The following USP42 variants were observed in gnomAD, a reference collection of about 807,000 sequenced individuals.
USP42 encodes ubiquitin carboxyl-terminal hydrolase 42.
Under a neutral mutation model 113.0 loss-of-function variants are expected in USP42, and 23 were observed. That is an observed-to-expected ratio of 0.20 (90% CI 0.15 to 0.29). The LOEUF (loss-of-function observed/expected upper bound fraction) is 0.29. Among genes scored for constraint, USP42 ranks in the 10% least tolerant of loss-of-function variants. USP42 has a pLI of 1.00. For synonymous variants in USP42, 933 were observed against 699.0 expected (o/e 1.33, Z -5.28); for missense variants, 2,174 against 1,779.8 (o/e 1.22, Z -3.99).
chr7:6,152,214 A>T (rs1462969537), intron 14 of USP42, among the ~76,000 whole-genome samples: 1 of 152,220 alleles, frequency 6.6e-6, no homozygotes, highest in Non-Finnish European at 1.5e-5. Context: ...TGTGAGTGAC[A>T]GCTCAGAGTG....
chr7:6,123,629 C>T (rs1780359671), intron 3 of USP42, among the ~76,000 whole-genome samples: 1 of 151,910 alleles, frequency 6.6e-6, no homozygotes, highest in South Asian at 2.1e-4. Flanking sequence ...CGCCACTGCA[C>T]TCCAGCCTGG....
At chr7:6,124,478 C>G (rs1235450500) in intron 3 of USP42, among the ~76,000 whole-genome samples, 4 of 151,752 alleles carry the variant, frequency 2.6e-5, no homozygotes, top group Non-Finnish European at 5.9e-5. Context: ...ATTGGCCAGG[C>G]TGGTCTCAAA....
rs1201000321 is a variant in USP42 at position 6,139,736 on chromosome 7, A to G, written c.657-392A>G. 2 of 312,172 alleles carry G rather than the reference A, an allele frequency of 6.4e-6. No individual in the cohort carries two copies. The highest frequency in any genetic ancestry group is 1.2e-5 in the Non-Finnish European group (2 of 163,938). 19.3% of individuals were successfully genotyped at this position (312,172 alleles called of 1,614,324 possible). ...TCCCTGCCCTGGCACCGCCCTGTCT[A>G]GGACTTCATTGTCCGGGTGATGACA... is the stretch of plus-strand genomic sequence containing the variant. On this transcript the variant is annotated intron_variant, in intron 5 of 17. Transcript: ENST00000306177. This position sits in a 1 kb window ranked among gnomAD's most constrained non-coding sequence, Gnocchi z 4.5.
chr7:6,123,920 T>TG (rs1035949935), intron 3 of USP42, among the ~76,000 whole-genome samples: 3 of 151,650 alleles, frequency 2.0e-5, no homozygotes, highest in African/African-American at 7.3e-5. Flanking sequence ...TTGTCACCTA[T>TG]GCTGGAGTGC....
chr7:6,089,976 G>T, the USP42 span, among the ~76,000 whole-genome samples: 4 of 150,590 alleles, frequency 2.7e-5, no homozygotes, highest in Non-Finnish European at 5.9e-5. Context: ...ACTCCAGCCT[G>T]GGCGACAGAG....
At chr7:6,127,853 C>A (rs1219391498) in intron 3 of USP42, among the ~76,000 whole-genome samples, 1 of 152,158 alleles carries the variant, frequency 6.6e-6, no homozygotes, top group Non-Finnish European at 1.5e-5. Flanking sequence ...GGGGGATTAA[C>A]ATCTTTACTA....
upstream of USP42, among the ~76,000 whole-genome samples, chr7:6,101,599 G>A (rs145273967): frequency 9.9e-5 from 15 of 151,188 alleles, no homozygotes; most frequent in East Asian, 2.7e-3. Context: ...GTCTTCATAT[G>A]CTTTGTGACT....
At chr7:6,111,056 C>G (rs1277372458) in intron 1 of USP42, 69 bp from the exon 2 acceptor site, 8 of 1,478,024 alleles carry the variant, frequency 5.4e-6, no homozygotes, top group Non-Finnish European at 6.4e-6. Context: ...CTTCCAAGAT[C>G]TAACGGTAGG....
upstream of USP42, among the ~76,000 whole-genome samples, chr7:6,103,948 G>A (rs1304312629): frequency 6.6e-6 from 1 of 151,128 alleles, no homozygotes; most frequent in Non-Finnish European, 1.5e-5. Context: ...AGTGGGCGTG[G>A]TAGCGCGCGT....
intron 3 of USP42, among the ~76,000 whole-genome samples, chr7:6,132,977 T>C (rs1208817865): frequency 1.3e-5 from 2 of 152,216 alleles, no homozygotes; most frequent in Non-Finnish European, 2.9e-5. Context: ...GGCCCAGCAC[T>C]GTTTTTATCT....
chr7:6,141,488 G>A (rs775420268), intron 7 of USP42, among the ~76,000 whole-genome samples: 69 of 151,730 alleles, frequency 4.5e-4, no homozygotes, highest in East Asian at 1.9e-4. Flanking sequence ...GAGCCACCGC[G>A]CCCGGCCTGA....
chr7:6,141,881 G>A (rs1279307028), intron 7 of USP42, among the ~76,000 whole-genome samples: 1 of 152,128 alleles, frequency 6.6e-6, no homozygotes, highest in Non-Finnish European at 1.5e-5. Flanking sequence ...GATATGTACT[G>A]CTCCAGAATG....
chr7:6,131,501 C>A (rs1052432660), intron 3 of USP42, among the ~76,000 whole-genome samples: 2 of 151,934 alleles, frequency 1.3e-5, no homozygotes, highest in Admixed American at 6.6e-5. Context: ...CAAAAACAAA[C>A]ATCATAATAT....
At chr7:6,085,817 G>A in the USP42 span, among the ~76,000 whole-genome samples, 1 of 149,674 alleles carries the variant, frequency 6.7e-6, no homozygotes, top group South Asian at 2.1e-4. Context: ...ATCTCACCAT[G>A]TTGGCCAGGC....
rs1483693806 is a variant in USP42 at position 6,161,349 on chromosome 7, C to CTT, written c.*832_*833dup. ...GGATATGCTATCAAACTGTGATACACTTATAATTCACTGGTCCTGCATCAG... is the reference window on the plus strand; with the variant it reads ...GGATATGCTATCAAACTGTGATACACTTTTATAATTCACTGGTCCTGCATCAG... On this transcript the variant is annotated 3_prime_UTR_variant, in exon 18 of 18. Coordinates refer to ENST00000306177, the MANE Select transcript of USP42 (RefSeq NM_032172.3). The CTT allele has an allele frequency of 6.6e-6, 1 of 152,566 alleles. No homozygotes were observed. The highest frequency in any genetic ancestry group is 1.5e-5 in the Non-Finnish European group (1 of 68,038). 9.5% of individuals were successfully genotyped at this position (152,566 alleles called of 1,614,324 possible).
chr7:6,087,564 T>G, the USP42 span, among the ~76,000 whole-genome samples: 1 of 150,628 alleles, frequency 6.6e-6, no homozygotes, highest in South Asian at 2.1e-4. Flanking sequence ...CTTGAACTCC[T>G]GGACTGAAGC....
At position 6,154,985 on chromosome 7, in the gene USP42, A is replaced by G. The variant is rs756905180; in HGVS notation, c.3431A>G (p.Asn1144Ser). Residue 1144 changes from asparagine (N) to serine (S), a missense_variant, in exon 15 of 18, where the codon AAC (asparagine) becomes AGC (serine). Coordinates refer to ENST00000306177, the MANE Select transcript of USP42 (RefSeq NM_032172.3). ...AGAACTGCACTTGTAGCCGGAGACAACTGTAACCTCTCTGATCGGTTTCAC... is the reference window on the plus strand; with the variant it reads ...AGAACTGCACTTGTAGCCGGAGACAGCTGTAACCTCTCTGATCGGTTTCAC... ...HDRTALVAGD[N>S]CNLSDRFHEH... 3 of 1,563,556 alleles carry G rather than the reference A, an allele frequency of 1.9e-6. No homozygotes were observed. In the South Asian group the frequency reaches 3.5e-5, roughly 18 times the overall value.
At chr7:6,094,123 C>G in the USP42 span, among the ~76,000 whole-genome samples, 1 of 150,844 alleles carries the variant, frequency 6.6e-6, no homozygotes, top group East Asian at 1.9e-4. Context: ...ACCTCGTGAT[C>G]CACCTGCCTC....
At position 6,115,046 on chromosome 7, in the gene USP42, C is replaced by G. The variant is rs543330809; in HGVS notation, c.242-277C>G. 1.8e-3 allele frequency among the ~76,000 whole-genome samples: 275 copies of G among 152,136 alleles called. 1 individual carries two copies. The highest frequency in any genetic ancestry group is 6.4e-3 in the African/African-American group (264 of 41,504). On this transcript the variant is annotated intron_variant, in intron 2 of 17. Transcript: ENST00000306177. Reference sequence around the variant, plus strand: ...GAGCAGCATCCAAATGAAGTCTACACTTTGCATTTGGTAGATATTTCTCTC... The same window carrying G: ...GAGCAGCATCCAAATGAAGTCTACAGTTTGCATTTGGTAGATATTTCTCTC...
Sources: gnomAD v4.1 joint callset for allele counts (sites outside exome capture counted in the v4.1 genomes callset) on GRCh38, gnomAD v4.1.1 for gene constraint, Gnocchi (gnomAD v3.1) non-coding constraint, MANE v1.5 for transcripts, NCBI Gene and HGNC (gene_info 2026-07-23, HGNC 2026-07-21) for gene names.